DAGLB: variants seen among roughly 807,000 people sequenced by gnomAD.
DAGLB encodes the protein diacylglycerol lipase beta, also known as diacylglycerol lipase-beta.
DAGLB carries 66 observed loss-of-function variants against 72.1 expected under a neutral mutation model. The ratio of observed to expected loss-of-function variants is 0.92; its 90% CI spans 0.75 to 1.12. The LOEUF is 1.12. Ranked by LOEUF, DAGLB falls within the 50% of genes most tolerant of loss-of-function variation. The pLI, the probability that DAGLB is intolerant of heterozygous loss-of-function variation, is 0.00. For synonymous variants in DAGLB, 414 were observed against 359.5 expected (o/e 1.15, Z -1.71); for missense variants, 1,065 against 884.9 (o/e 1.20, Z -2.58).
At chr7:6,417,012 G>A in intron 9 of DAGLB, 91 bp from the exon 10 acceptor site, 2 of 1,399,686 alleles carry the variant, frequency 1.4e-6, no homozygotes, top group Non-Finnish European at 2.0e-6. Context: ...GTGCACTGAT[G>A]TGTGAGTCTC....
intron 9 of DAGLB, among the ~76,000 whole-genome samples, chr7:6,420,226 G>A (rs986474016): frequency 6.6e-6 from 1 of 152,028 alleles, no homozygotes; most frequent in East Asian, 1.9e-4. Flanking sequence ...TGGATCACGA[G>A]GTCAAGAGAT....
In DAGLB at chr7:6,446,025, A is replaced by G; in HGVS notation, c.175T>C (p.Leu59=). Residue 59 remains leucine, a synonymous_variant, in exon 2 of 15, where the codon TTG becomes CTG. Coordinates refer to ENST00000297056, the MANE Select transcript of DAGLB (RefSeq NM_139179.4). ...CAGGALLSSY[L]IVLMILLAVV... is the part of the protein sequence containing the mutation. ...GCCAGGAGAATCATGAGGACGATCA[A>G]GTAACTGCTGAGCAAGGCTCCACCA... 6.2e-7 allele frequency: 1 copy of G among 1,613,980 alleles called. No individual in the cohort carries two copies. The highest frequency in any genetic ancestry group is 8.5e-7 in the Non-Finnish European group (1 of 1,179,956).
chr7:6,431,400 G>A (rs974401481), intron 5 of DAGLB, among the ~76,000 whole-genome samples: 1 of 152,118 alleles, frequency 6.6e-6, no homozygotes, highest in African/African-American at 2.4e-5. Flanking sequence ...AGGGAGAATC[G>A]CAGTCCCCAT....
chr7:6,422,339 C>T (rs539082179), intron 8 of DAGLB: 1 of 253,002 alleles, frequency 4.0e-6, no homozygotes, highest in South Asian at 4.2e-5. Flanking sequence ...GCGGCGTCCT[C>T]CCAACAGGGG....
intron 13 of DAGLB, chr7:6,412,565 C>T (rs906918760): frequency 1.9e-6 from 1 of 530,986 alleles, no homozygotes; most frequent in Non-Finnish European, 3.4e-6. Context: ...GGATTCCAGG[C>T]ATACACCACT....
At chr7:6,429,194 G>T (rs1460998998) in intron 6 of DAGLB, among the ~76,000 whole-genome samples, 1 of 151,926 alleles carries the variant, frequency 6.6e-6, no homozygotes, top group Non-Finnish European at 1.5e-5. Flanking sequence ...GGACAAACTG[G>T]CATCATGTAT....
In DAGLB at chr7:6,447,789, C is replaced by G. The variant is rs199637474; in HGVS notation, c.54G>C (p.Leu18Phe). 38 of 1,613,714 alleles carry G rather than the reference C, an allele frequency of 2.4e-5. No individual in the cohort carries two copies. The East Asian group carries it at 7.6e-4, about 32-fold the overall frequency. ...CCAGCTCGAAGAACCCTGGGAAGAC[C>G]AAGTCGTCGCTGGCGATGGCCCAGC... Reference protein sequence around the residue: ...GRRWAIASDDLVFPGFFELVV... With the variant: ...GRRWAIASDDFVFPGFFELVV... Residue 18 changes from leucine (L) to phenylalanine (F), a missense_variant, in exon 1 of 15, where the codon TTG becomes TTC. By Grantham distance (22) the Leu-to-Phe change is conservative. Transcript: ENST00000297056.
chr7:6,432,981 C>T (rs1784537716), intron 4 of DAGLB, 22 bp from the exon 5 acceptor site: 9 of 1,609,956 alleles, frequency 5.6e-6, no homozygotes, highest in Non-Finnish European at 6.8e-6. Flanking sequence ...ACCACAATGG[C>T]CTGTCATAAA....
Position 6,409,779 on chromosome 7 carries a change from C to T in DAGLB, c.*58G>A. On this transcript the variant is annotated 3_prime_UTR_variant, in exon 15 of 15. Coordinates refer to ENST00000297056, the MANE Select transcript of DAGLB (RefSeq NM_139179.4). ...CATGGGAACTCCTCGGATGGTAAGTCAGTTTAAGGACAAAAGCGTGAGTCC... is the reference window on the plus strand; with the variant it reads ...CATGGGAACTCCTCGGATGGTAAGTTAGTTTAAGGACAAAAGCGTGAGTCC... The T allele has an allele frequency of 1.9e-6, 3 of 1,564,682 alleles. No individual in the cohort carries two copies. Among genetic ancestry groups the T allele is most frequent in the Non-Finnish European group, 2.6e-6 (3 of 1,151,654 alleles).
In DAGLB at chr7:6,434,762, T is replaced by C. The variant is rs1784600788; in HGVS notation, c.678A>G (p.Ser226=). 2 of 1,613,904 alleles carry C rather than the reference T, an allele frequency of 1.2e-6. No individual in the cohort carries two copies. Among genetic ancestry groups the C allele is most frequent in the Non-Finnish European group, 8.5e-7 (1 of 1,179,970 alleles). The change falls in exon 4 of 15, where the codon TCA becomes TCG. Residue 226 remains serine (S), a splice_region_variant and synonymous_variant. Transcript: ENST00000297056. ...STAELFSTYF[S]DTDLVPSDIA... The stretch of plus-strand genomic sequence containing the variant: ...ACCAAACCAGATCCCCTCGGCTTAC[T>C]GAAAAGTAGGTTGAGAAAAGCTCTG...
In DAGLB at chr7:6,416,598, G is replaced by A. The variant is rs371809005; in HGVS notation, c.1427+29C>T. ...TGACCACATGACTTGTAAGTAGCAA[G>A]CTGTTAGAGCAGGAAAACAAAGGCT... On this transcript the variant is annotated intron_variant, in intron 11 of 14. Coordinates refer to ENST00000297056, the MANE Select transcript of DAGLB (RefSeq NM_139179.4). 1.9e-5 allele frequency: 29 copies of A among 1,563,624 alleles called. No homozygotes were observed. The African/African-American group carries it at 2.8e-4, about 15-fold the overall frequency.
chr7:6,428,820 T>C (rs1346852160), intron 6 of DAGLB, among the ~76,000 whole-genome samples: 1 of 152,078 alleles, frequency 6.6e-6, no homozygotes, highest in Non-Finnish European at 1.5e-5. Flanking sequence ...TAATTTATTT[T>C]TTAAGACAGC....
chr7:6,434,336 G>T (rs1784585166), intron 4 of DAGLB, among the ~76,000 whole-genome samples: 1 of 152,052 alleles, frequency 6.6e-6, no homozygotes, highest in African/African-American at 2.4e-5. Context: ...TCTTCCAAAA[G>T]TAGCATCGTC....
intron 2 of DAGLB, among the ~76,000 whole-genome samples, chr7:6,440,112 C>T (rs1784782980): frequency 6.6e-6 from 1 of 151,412 alleles, no homozygotes; most frequent in African/African-American, 2.4e-5. Flanking sequence ...TCCTCAAATG[C>T]CGGGTGCAGT....
intron 1 of DAGLB, 115 bp from the exon 2 acceptor site, chr7:6,446,219 A>G: frequency 1.8e-6 from 2 of 1,088,670 alleles, no homozygotes; most frequent in South Asian, 4.6e-5. Context: ...CTGTAATCAC[A>G]GCACTTTGGG....
At chr7:6,412,761 A>G (rs771818931) in intron 13 of DAGLB, 50 bp downstream of exon 13, 1 of 1,548,324 alleles carries the variant, frequency 6.5e-7, no homozygotes, top group Non-Finnish European at 8.7e-7. Flanking sequence ...ACAGGATCTC[A>G]GGGACAGGCC....
At chr7:6,427,154 A>C (rs1164858632) in intron 6 of DAGLB, among the ~76,000 whole-genome samples, 1 of 152,168 alleles carries the variant, frequency 6.6e-6, no homozygotes, top group Admixed American at 6.5e-5. Flanking sequence ...ATAAAAACTA[A>C]AAAAACTACA....
Position 6,412,470 on chromosome 7 carries a change from T to C in DAGLB, c.1569+341A>G, listed in dbSNP as rs191974336. 62 of 230,362 alleles carry C rather than the reference T, an allele frequency of 2.7e-4. No individual in the cohort carries two copies. The East Asian group carries it at 5.1e-3, about 19-fold the overall frequency. The allele number at this position is 230,362 out of a possible 1,614,324, so 14.3% of individuals were successfully genotyped here. A position where few individuals can be genotyped will look rare whatever the true frequency, so the allele number is the denominator to read the frequency against. ...CTCCAGAGTATTTTCTTTTCTTTTT[T>C]TTTTTTTAGAATAGAGACAGGGTCT... is the stretch of plus-strand genomic sequence containing the variant. On this transcript the variant is annotated intron_variant, in intron 13 of 14. Transcript: ENST00000297056.
intron 6 of DAGLB, among the ~76,000 whole-genome samples, chr7:6,430,123 T>A (rs115151840): frequency 0.012 from 1,836 of 151,440 alleles, 37 homozygotes; most frequent in African/African-American, 0.043. Context: ...TAGCACCGCT[T>A]GAGCCTGGGA....
Sources: allele counts gnomAD v4.1 joint callset (sites outside exome capture counted in the v4.1 genomes callset), GRCh38; gene constraint gnomAD v4.1.1; transcripts MANE v1.5; gene names NCBI Gene and HGNC (gene_info 2026-07-23, HGNC 2026-07-21).